ADAMTS17: variants seen among roughly 807,000 people sequenced by gnomAD.
The protein encoded by ADAMTS17 is A disintegrin and metalloproteinase with thrombospondin motifs 17.
A neutral mutation model predicts 141.5 loss-of-function variants in ADAMTS17; 113 were observed. The ratio of observed to expected loss-of-function variants is 0.80; its 90% CI spans 0.69 to 0.93. The LOEUF is 0.93. Among genes scored for constraint, ADAMTS17 ranks in the 40% least tolerant of loss-of-function variants. The probability of loss-of-function intolerance (pLI) is 0.00; values close to 1 mark genes in which losing one functional copy is unlikely to be tolerated. For missense variants in ADAMTS17, 1,659 were observed against 1,517.9 expected, an observed-to-expected ratio of 1.09 and a Z score of -1.54; for synonymous variants, 768 against 630.6, an observed-to-expected ratio of 1.22 and a Z score of -3.27.
rs567542508 is a variant in ADAMTS17, at chr15:100,251,472, T to C, written c.1075+2664A>G. Among the ~76,000 whole-genome samples, 34 of 152,336 alleles carry C rather than the reference T, an allele frequency of 2.2e-4. No individual in the cohort carries two copies. In the South Asian group the frequency reaches 6.8e-3, roughly 31 times the overall value. On this transcript the variant is annotated intron_variant, in intron 7 of 21. Transcript: ENST00000268070. ...CGGGCGCAGTGGCTCATGCCTGTAATCCCAGCACTCTGGGAGGCCGAGGCG... is the reference window on the plus strand; with the variant it reads ...CGGGCGCAGTGGCTCATGCCTGTAACCCCAGCACTCTGGGAGGCCGAGGCG...
intron 6 of ADAMTS17, among the ~76,000 whole-genome samples, chr15:100,255,494 T>C (rs2043294476): frequency 6.6e-6 from 1 of 152,166 alleles, no homozygotes; most frequent in Non-Finnish European, 1.5e-5. Flanking sequence ...CAATAGGCGA[T>C]AGAAGCAGCA....
intron 15 of ADAMTS17, among the ~76,000 whole-genome samples, chr15:100,058,585 C>T (rs568776131): frequency 6.6e-6 from 1 of 151,918 alleles, no homozygotes; most frequent in Non-Finnish European, 1.5e-5. Flanking sequence ...GGTTATAAGA[C>T]CATCCTCAGA....
intron 15 of ADAMTS17, among the ~76,000 whole-genome samples, chr15:100,075,643 G>A (rs2034319309): frequency 6.6e-6 from 1 of 152,112 alleles, no homozygotes; most frequent in South Asian, 2.1e-4. Context: ...ATAGCTTTGT[G>A]CCAACTTTTC....
chr15:100,195,640 G>GCTGTCAATCTCATCTCAAAAAAAAAAAT (rs1555477788), intron 8 of ADAMTS17, among the ~76,000 whole-genome samples: 5 of 114,048 alleles, frequency 4.4e-5, no homozygotes, highest in East Asian at 2.7e-4. Flanking sequence ...AAAAAAAGAA[G>GCTGTCAATCTCATCTCAAAAAAAAAAAT]CTGTCAATCT....
chr15:100,108,856 A>G, intron 14 of ADAMTS17, 133 bp downstream of exon 14: 1 of 1,500,018 alleles, frequency 6.7e-7, no homozygotes, highest in South Asian at 1.1e-5. Context: ...AGGAGGCGGC[A>G]TCACTGGGTG....
intron 10 of ADAMTS17, among the ~76,000 whole-genome samples, chr15:100,139,069 A>C (rs1012568035): frequency 1.3e-5 from 2 of 152,192 alleles, no homozygotes; most frequent in African/African-American, 4.8e-5. Flanking sequence ...AATTTCAAAG[A>C]CTGGGCATTA....
At chr15:100,058,120 G>A (rs1411507972) in intron 15 of ADAMTS17, among the ~76,000 whole-genome samples, 2 of 150,680 alleles carry the variant, frequency 1.3e-5, no homozygotes, top group African/African-American at 2.4e-5. Context: ...TCCCTCCAGG[G>A]CCTCTGCCCA....
intron 15 of ADAMTS17, among the ~76,000 whole-genome samples, chr15:100,060,272 T>TA (rs2033011871): frequency 1.3e-5 from 2 of 152,240 alleles, no homozygotes; most frequent in South Asian, 2.1e-4. Flanking sequence ...TCTCAACAGT[T>TA]AGACTTCTGT....
intron 18 of ADAMTS17, among the ~76,000 whole-genome samples, chr15:100,014,930 T>C (rs181693004): frequency 6.6e-6 from 1 of 152,230 alleles, no homozygotes; most frequent in Non-Finnish European, 1.5e-5. Flanking sequence ...CTTTCTGTTT[T>C]GATGAACTGT....
At chr15:100,228,271 A>G (rs998802147) in intron 7 of ADAMTS17, among the ~76,000 whole-genome samples, 6 of 152,186 alleles carry the variant, frequency 3.9e-5, no homozygotes, top group Non-Finnish European at 7.4e-5. Context: ...GACACCATCC[A>G]GCGCGTGACC....
chr15:100,183,594 G>C (rs573836268), intron 8 of ADAMTS17, among the ~76,000 whole-genome samples: 4 of 151,878 alleles, frequency 2.6e-5, no homozygotes, highest in African/African-American at 7.3e-5. Context: ...ATTTATAATC[G>C]TCGTTAGACA....
intron 13 of ADAMTS17, among the ~76,000 whole-genome samples, chr15:100,113,485 C>G (rs1439804015): frequency 6.6e-6 from 1 of 152,152 alleles, no homozygotes; most frequent in Non-Finnish European, 1.5e-5. Context: ...TTGGTTGATG[C>G]ACTGTCATTA....
chr15:99,987,962 A>G (rs556495371), intron 20 of ADAMTS17, among the ~76,000 whole-genome samples: 1 of 151,870 alleles, frequency 6.6e-6, no homozygotes, highest in Non-Finnish European at 1.5e-5. Flanking sequence ...TACACCATAC[A>G]CACACATGGT....
intron 12 of ADAMTS17, among the ~76,000 whole-genome samples, chr15:100,130,293 G>C (rs1364179729): frequency 1.3e-5 from 2 of 151,904 alleles, no homozygotes; most frequent in African/African-American, 2.4e-5. Context: ...GAAGCAGGGA[G>C]GCGGAGGTTG....
chr15:99,996,054 A>ATT (rs200543255), intron 19 of ADAMTS17, among the ~76,000 whole-genome samples: 15 of 137,524 alleles, frequency 1.1e-4, no homozygotes, highest in African/African-American at 3.2e-4. Flanking sequence ...GTCTGAGTGG[A>ATT]TTTTTTTTTT....
intron 3 of ADAMTS17, among the ~76,000 whole-genome samples, chr15:100,317,035 G>A (rs552211509): frequency 2.1e-4 from 32 of 152,310 alleles, no homozygotes; most frequent in African/African-American, 7.7e-4. Flanking sequence ...AGAGTGATAT[G>A]GTTGGGTTTT....
intron 7 of ADAMTS17, among the ~76,000 whole-genome samples, chr15:100,251,032 C>T (rs891627893): frequency 1.3e-5 from 2 of 152,050 alleles, no homozygotes; most frequent in Non-Finnish European, 2.9e-5. Flanking sequence ...CAAAATATGA[C>T]ACGTTAAGAG....
chr15:99,979,052 T>C (rs1480836312), intron 20 of ADAMTS17: 1 of 152,278 alleles, frequency 6.6e-6, no homozygotes, highest in Non-Finnish European at 1.5e-5. Context: ...TATAGCCAGA[T>C]GACAGGTGTG....
intron 15 of ADAMTS17, among the ~76,000 whole-genome samples, chr15:100,088,200 C>T (rs1020927616): frequency 2.6e-5 from 4 of 152,120 alleles, no homozygotes; most frequent in African/African-American, 7.2e-5. Context: ...CAATAACAGA[C>T]AAACAGAGAG....
Sources: allele counts gnomAD v4.1 joint callset (sites outside exome capture counted in the v4.1 genomes callset), GRCh38; gene constraint gnomAD v4.1.1; transcripts MANE v1.5; gene names NCBI Gene and HGNC (gene_info 2026-07-23, HGNC 2026-07-21).